Variants in TXNRD3 observed in about 807,000 individuals in gnomAD.
TXNRD3 encodes the protein TXNRD3 neighbor gene protein.
In TXNRD3, 68 loss-of-function variants were observed where a neutral mutation model predicts 78.2. The observed-to-expected ratio is 0.87, with a 90% CI of 0.72 to 1.06. The LOEUF (loss-of-function observed/expected upper bound fraction) is 1.06, where lower values mean the gene tolerates loss of function less well. Ranked by LOEUF, TXNRD3 falls within the 50% of genes least tolerant of loss-of-function variation. The pLI is 0.00. For synonymous variants in TXNRD3, 296 were observed against 300.1 expected (o/e 0.99, Z 0.14); for missense variants, 751 against 809.5 (o/e 0.93, Z 0.88).
chr3:126,617,209 G>A (rs1938337502), intron 12 of TXNRD3, among the ~76,000 whole-genome samples: 2 of 151,974 alleles, frequency 1.3e-5, no homozygotes, highest in African/African-American at 4.8e-5. Flanking sequence ...CCTTCTTATA[G>A]GCTTCTTTCC....
chr3:126,649,974 T>TA (rs2107629950), intron 1 of TXNRD3, among the ~76,000 whole-genome samples: 1 of 152,332 alleles, frequency 6.6e-6, no homozygotes, highest in African/African-American at 2.4e-5. Context: ...AACTCTACAC[T>TA]AAAAAATAGT....
At chr3:126,632,478 G>C (rs575178320) in intron 7 of TXNRD3, among the ~76,000 whole-genome samples, 20 of 152,092 alleles carry the variant, frequency 1.3e-4, no homozygotes, top group African/African-American at 4.8e-4. Flanking sequence ...CCAACATGGT[G>C]AAACCCCATC....
chr3:126,648,638 C>T (rs1231669150), intron 1 of TXNRD3, among the ~76,000 whole-genome samples: 1 of 152,122 alleles, frequency 6.6e-6, no homozygotes, highest in East Asian at 1.9e-4. Flanking sequence ...AACTGGCTGT[C>T]CACTAACAAA....
At chr3:126,619,345 A>C (rs938881520) in intron 12 of TXNRD3, among the ~76,000 whole-genome samples, 1 of 152,240 alleles carries the variant, frequency 6.6e-6, no homozygotes, top group Non-Finnish European at 1.5e-5. Context: ...AAGAAAACGT[A>C]GTATATAAAC....
intron 12 of TXNRD3, among the ~76,000 whole-genome samples, chr3:126,619,342 C>T (rs371350534): frequency 1.4e-3 from 208 of 152,038 alleles, no homozygotes; most frequent in African/African-American, 4.8e-3. Flanking sequence ...ATAAAGAAAA[C>T]GTAGTATATA....
chr3:126,611,039 G>A lies in TXNRD3; in HGVS notation c.1726C>T (p.His576Tyr). The A allele has an allele frequency of 6.7e-7, 1 of 1,499,310 alleles. No individual in the cohort carries two copies. Among genetic ancestry groups the A allele is most frequent in the Non-Finnish European group, 8.9e-7 (1 of 1,125,452 alleles). The allele number at this position is 1,499,310 out of a possible 1,614,324, so 92.9% of individuals were successfully genotyped here. Reference sequence around the variant, plus strand: ...TGGCTTCTAGTGGTATTACATACATGGTCGAATTTATTGCAGATTATCTTT... The same window carrying A: ...TGGCTTCTAGTGGTATTACATACATAGTCGAATTTATTGCAGATTATCTTT... Residue 576 changes from histidine (H) to tyrosine (Y), a missense_variant and splice_region_variant, in exon 14 of 16, where the codon CAT becomes TAT. By Grantham distance (83) the His-to-Tyr change is moderately conservative. Transcript: ENST00000524230.
intron 13 of TXNRD3, among the ~76,000 whole-genome samples, chr3:126,613,758 T>A (rs1938246940): frequency 6.6e-6 from 1 of 152,222 alleles, no homozygotes. Context: ...TCTCCAACAG[T>A]CTAACATATA....
chr3:126,621,740 AC>A lies in TXNRD3; in HGVS notation c.1524+1del, dbSNP rs1186830766. ...TTATCTCAAAAACAGTAAGAAACTT[AC>A]CTTTTCTAAAGAGGCCCCAAAAAGT... On this transcript the variant is annotated splice_donor_variant, in intron 12 of 15. Transcript: ENST00000524230. LOFTEE classifies it high-confidence loss of function. 2.7e-6 allele frequency: 4 copies of A among 1,499,116 alleles called. No homozygotes were observed. In the South Asian group the frequency reaches 5.2e-5, roughly 19 times the overall value. The allele number at this position is 1,499,116 out of a possible 1,614,324, so 92.9% of individuals were successfully genotyped here. A position where few individuals can be genotyped will look rare whatever the true frequency, so the allele number is the denominator to read the frequency against.
At position 126,633,967 on chromosome 3, in the gene TXNRD3, T is replaced by G. The variant is rs763323662; in HGVS notation, c.797A>C (p.Glu266Ala). ...GGAATTGACATAGGCCACAGCCTTT[T>G]CCCTCAGAGACAACCTGTAGCCCCA... The change falls in exon 7 of 16, where the codon GAA (glutamate) becomes GCA (alanine). Residue 266 changes from glutamate (E) to alanine (A), a missense_variant. By Grantham distance (107) the Glu-to-Ala change is moderately radical. Transcript: ENST00000524230. 6.6e-7 allele frequency: 1 copy of G among 1,521,814 alleles called. No homozygotes were observed. The highest frequency in any genetic ancestry group is 8.8e-7 in the Non-Finnish European group (1 of 1,138,464). 94.3% of individuals were successfully genotyped at this position (1,521,814 alleles called of 1,614,324 possible).
chr3:126,614,509 A>G (rs568460819), intron 13 of TXNRD3, among the ~76,000 whole-genome samples: 6 of 152,194 alleles, frequency 3.9e-5, no homozygotes, highest in Non-Finnish European at 8.8e-5. Flanking sequence ...AACCAATGCA[A>G]AAAGGATAGC....
rs1379654762 is a variant in TXNRD3 at position 126,655,116 on chromosome 3, C to G, written c.-126G>C. On this transcript the variant is annotated 5_prime_UTR_variant, in exon 1 of 16. Transcript: ENST00000524230. Reference sequence around the variant, plus strand: ...TCGCTGGCCACTCTCACCACCCGCGCGAATCCGCGAGGCAGCCGCTCGCCC... The same window carrying G: ...TCGCTGGCCACTCTCACCACCCGCGGGAATCCGCGAGGCAGCCGCTCGCCC... The G allele has an allele frequency of 1.5e-6, 2 of 1,292,162 alleles. No individual in the cohort carries two copies. The highest frequency in any genetic ancestry group is 3.4e-5 in the East Asian group (1 of 29,724). The allele number at this position is 1,292,162 out of a possible 1,614,324, so 80.0% of individuals were successfully genotyped here.
intron 7 of TXNRD3, among the ~76,000 whole-genome samples, chr3:126,632,117 A>G (rs1454556587): frequency 6.6e-6 from 1 of 152,240 alleles, no homozygotes; most frequent in Non-Finnish European, 1.5e-5. Context: ...AGGATGTATT[A>G]AAGAAGGAGT....
Position 126,647,269 on chromosome 3 carries a change from C to G in TXNRD3, c.271G>C (p.Val91Leu). The stretch of plus-strand genomic sequence containing the variant: ...TCAAGTTCCAAGACATTACATTCGA[C>G]TCCCAAAGAAGAAAAGAGTTCTTTC... The change falls in exon 2 of 16, where the codon GTC becomes CTC. Residue 91 changes from valine to leucine, a missense_variant. Val to Leu is a conservative substitution (Grantham distance 32, BLOSUM62 1). Transcript: ENST00000524230. 1 of 1,535,634 alleles carries G rather than the reference C, an allele frequency of 6.5e-7. No individual in the cohort carries two copies. The highest frequency in any genetic ancestry group is 8.7e-7 in the Non-Finnish European group (1 of 1,146,792).
intron 3 of TXNRD3, 75 bp downstream of exon 3, chr3:126,646,034 AAC>A: frequency 2.5e-6 from 3 of 1,189,640 alleles, no homozygotes; most frequent in Non-Finnish European, 3.4e-6. Context: ...GACTCCTAAA[AAC>A]CATTTTCTCC....
Position 126,631,923 on chromosome 3 carries a change from G to A in TXNRD3, c.856-44C>T, listed in dbSNP as rs771390572. 30 of 1,316,082 alleles carry A rather than the reference G, an allele frequency of 2.3e-5. 2 individuals carry two copies. In the South Asian group the frequency reaches 3.8e-4, roughly 17 times the overall value. 81.5% of individuals were successfully genotyped at this position (1,316,082 alleles called of 1,614,324 possible). A position where few individuals can be genotyped will look rare whatever the true frequency, so the allele number is the denominator to read the frequency against. On this transcript the variant is annotated intron_variant, in intron 7 of 15. Transcript: ENST00000524230. Reference sequence around the variant, plus strand: ...AACCTCACTTAGCAAACACTACAGAGTACCAGACACCCTGGACAAAATAGT... The same window carrying A: ...AACCTCACTTAGCAAACACTACAGAATACCAGACACCCTGGACAAAATAGT...
intron 5 of TXNRD3, among the ~76,000 whole-genome samples, chr3:126,643,209 G>A (rs1933137336): frequency 6.6e-6 from 1 of 152,198 alleles, no homozygotes; most frequent in Admixed American, 6.5e-5. Flanking sequence ...TGCCCCAGAA[G>A]CCAGAGGGCA....
intron 1 of TXNRD3, among the ~76,000 whole-genome samples, chr3:126,654,262 T>A (rs1018435084): frequency 1.3e-5 from 2 of 152,234 alleles, no homozygotes; most frequent in Admixed American, 6.5e-5. Flanking sequence ...CTTCCACGTA[T>A]CATTTTTCAA....
Position 126,622,477 on chromosome 3 carries a change from T to G in TXNRD3, c.1354A>C (p.Lys452Gln), listed in dbSNP as rs1234905216. The change falls in exon 11 of 16, where the codon AAA (lysine) becomes CAA (glutamine). Residue 452 changes from lysine (K) to glutamine (Q), a missense_variant. Coordinates refer to ENST00000524230, the MANE Select transcript of TXNRD3 (RefSeq NM_052883.3). ...CAATATACTTACTTCTCATTAATTT[T>G]GACACCAATCTTCTCCAAGCCTATT... 1 of 1,535,576 alleles carries G rather than the reference T, an allele frequency of 6.5e-7. No individual in the cohort carries two copies. The highest frequency in any genetic ancestry group is 1.2e-5 in the South Asian group (1 of 83,938).
At position 126,654,966 on chromosome 3, in the gene TXNRD3, G is replaced by A. The variant is rs1484095314; in HGVS notation, c.25C>T (p.Pro9Ser). Residue 9 changes from proline (P) to serine (S), a missense_variant, in exon 1 of 16, where the codon CCC becomes TCC. Coordinates refer to ENST00000524230, the MANE Select transcript of TXNRD3 (RefSeq NM_052883.3). ...GCATCGCCCGCCTTTCCCGGCCCGG[G>A]CGACTGCGGCGGCGACCGCTCCAGA... 3.8e-6 allele frequency: 5 copies of A among 1,299,710 alleles called. No individual in the cohort carries two copies. The highest frequency in any genetic ancestry group is 4.9e-6 in the Non-Finnish European group (5 of 1,028,718). The allele number at this position is 1,299,710 out of a possible 1,614,324, so 80.5% of individuals were successfully genotyped here. A position where few individuals can be genotyped will look rare whatever the true frequency, so the allele number is the denominator to read the frequency against.
Sources: allele counts gnomAD v4.1 joint callset (sites outside exome capture counted in the v4.1 genomes callset), GRCh38; gene constraint gnomAD v4.1.1; transcripts MANE v1.5; gene names NCBI Gene and HGNC (gene_info 2026-07-23, HGNC 2026-07-21).